ARSG: variants seen among roughly 807,000 people sequenced by gnomAD.
ARSG encodes the protein arylsulfatase G, also known as ASG.
Under a neutral mutation model 50.5 loss-of-function variants are expected in ARSG, and 37 were observed. That is an observed-to-expected ratio of 0.73 (90% CI 0.56 to 0.96). The LOEUF (loss-of-function observed/expected upper bound fraction) is 0.96, where lower values mean the gene tolerates loss of function less well. Ranked by LOEUF, ARSG falls within the 50% of genes least tolerant of loss-of-function variation. The pLI is 0.00. For synonymous variants in ARSG, 225 were observed against 254.6 expected, an observed-to-expected ratio of 0.88 and a Z score of 1.11; for missense variants, 629 against 675.3, an observed-to-expected ratio of 0.93 and a Z score of 0.76.
the ARSG span, among the ~76,000 whole-genome samples, chr17:68,443,513 A>C: frequency 6.6e-6 from 1 of 152,248 alleles, no homozygotes; most frequent in Non-Finnish European, 1.5e-5. Context: ...AAGAGAAGGC[A>C]TCAGAAGTAT....
chr17:68,437,010 A>ATGTGTGTGTGTGTGTGTG, the ARSG span, among the ~76,000 whole-genome samples: 11 of 77,906 alleles, frequency 1.4e-4, no homozygotes, highest in African/African-American at 6.1e-4. Context: ...AAAAAAATAT[A>ATGTGTGTGTGTGTGTGTG]TATATATGTG....
At chr17:68,320,623 C>T (rs1248401850) in intron 2 of ARSG, among the ~76,000 whole-genome samples, 1 of 152,114 alleles carries the variant, frequency 6.6e-6, no homozygotes, top group East Asian at 1.9e-4. Flanking sequence ...GACTGGGCAT[C>T]TGGTACAGTG....
intron 6 of ARSG, among the ~76,000 whole-genome samples, chr17:68,363,751 G>A (rs1481577509): frequency 1.3e-5 from 2 of 152,086 alleles, no homozygotes; most frequent in Non-Finnish European, 2.9e-5. Context: ...ACAGGCGTGA[G>A]CCATCGTGCC....
At chr17:68,299,937 C>CTT (rs34778190) in intron 1 of ARSG, among the ~76,000 whole-genome samples, 3,268 of 137,976 alleles carry the variant, frequency 0.024, 173 homozygotes, top group East Asian at 0.11. Context: ...TTTGGTATTG[C>CTT]TTTTTTTTTT....
intron 2 of ARSG, among the ~76,000 whole-genome samples, chr17:68,318,266 T>C (rs1191818475): frequency 1.3e-5 from 2 of 152,270 alleles, no homozygotes; most frequent in African/African-American, 2.4e-5. Flanking sequence ...AAGATAACTC[T>C]GAGAGCTCGG....
chr17:68,441,061 G>A, the ARSG span: 10 of 152,292 alleles, frequency 6.6e-5, no homozygotes, highest in African/African-American at 1.7e-4. Context: ...GGTATGGAAC[G>A]CTCCCTCAAT....
At chr17:68,388,478 C>G (rs989665985) in intron 9 of ARSG, among the ~76,000 whole-genome samples, 6 of 152,122 alleles carry the variant, frequency 3.9e-5, no homozygotes, top group Admixed American at 2.6e-4. Context: ...AGCGGAAGCT[C>G]TCTTAGCCAT....
chr17:68,342,094 A>G (rs868169642), intron 2 of ARSG, among the ~76,000 whole-genome samples: 1 of 151,990 alleles, frequency 6.6e-6, no homozygotes, highest in Non-Finnish European at 1.5e-5. Context: ...TGCTGGGATT[A>G]AAGGAGTGAA....
intron 1 of ARSG, among the ~76,000 whole-genome samples, chr17:68,263,282 T>C (rs576434251): frequency 3.3e-5 from 5 of 152,318 alleles, no homozygotes; most frequent in Admixed American, 2.0e-4. Context: ...TCCTTACTTA[T>C]GCAACGGCGG....
chr17:68,293,148 T>G (rs1277946625), intron 1 of ARSG, among the ~76,000 whole-genome samples: 2 of 152,224 alleles, frequency 1.3e-5, no homozygotes, highest in Admixed American at 6.5e-5. Context: ...TAATGATATT[T>G]AGAAACTGAT....
At chr17:68,299,502 A>G (rs1351847638) in intron 1 of ARSG, among the ~76,000 whole-genome samples, 7 of 152,132 alleles carry the variant, frequency 4.6e-5, no homozygotes, top group Admixed American at 2.6e-4. Flanking sequence ...AAAAAAATCG[A>G]ACCTGGATCG....
At chr17:68,316,196 T>C (rs1276622970) in intron 2 of ARSG, among the ~76,000 whole-genome samples, 1 of 152,232 alleles carries the variant, frequency 6.6e-6, no homozygotes, top group Non-Finnish European at 1.5e-5. Flanking sequence ...TTCAAGCAGC[T>C]GATCGCTTCT....
intron 9 of ARSG, among the ~76,000 whole-genome samples, 200 bp from the exon 10 acceptor site, chr17:68,394,873 C>A (rs1456252185): frequency 6.6e-6 from 1 of 152,152 alleles, no homozygotes; most frequent in Non-Finnish European, 1.5e-5. Flanking sequence ...GGGTGCTGAA[C>A]CGCTGCACCA....
intron 1 of ARSG, among the ~76,000 whole-genome samples, chr17:68,294,491 G>A (rs1555757435): frequency 1.2e-4 from 19 of 152,142 alleles, no homozygotes; most frequent in Non-Finnish European, 4.4e-5. Flanking sequence ...AAGGAATCTG[G>A]TCTGGACCTC....
At chr17:68,419,251 G>C (rs767226161) in intron 11 of ARSG, among the ~76,000 whole-genome samples, 1 of 152,194 alleles carries the variant, frequency 6.6e-6, no homozygotes, top group Non-Finnish European at 1.5e-5. Context: ...AAGGGCAGAG[G>C]TTAAAGATAC....
At chr17:68,259,837 C>T (rs1337328485) in intron 1 of ARSG, among the ~76,000 whole-genome samples, 1 of 152,134 alleles carries the variant, frequency 6.6e-6, no homozygotes, top group African/African-American at 2.4e-5. Flanking sequence ...TAGACCAGTA[C>T]CCAACTCTAG....
chr17:68,344,918 T>C (rs1027534674), intron 3 of ARSG, among the ~76,000 whole-genome samples: 12 of 152,174 alleles, frequency 7.9e-5, no homozygotes, highest in African/African-American at 2.9e-4. Flanking sequence ...CTATTGGCCC[T>C]TTTATCCCAC....
intron 2 of ARSG, among the ~76,000 whole-genome samples, chr17:68,324,534 C>T (rs1287475043): frequency 1.3e-5 from 2 of 152,172 alleles, no homozygotes; most frequent in Non-Finnish European, 2.9e-5. Flanking sequence ...TTGGAAAGGC[C>T]TGGGTTCAAA....
rs1035768063 is a variant in ARSG, at chr17:68,276,761, C to T, written c.-552+17335C>T. Among the ~76,000 whole-genome samples the T allele has an allele frequency of 7.9e-5, 12 of 151,876 alleles. No homozygotes were observed. In the East Asian group the frequency reaches 2.3e-3, roughly 30 times the overall value. On this transcript the variant is annotated intron_variant, in intron 1 of 11. Coordinates refer to the ARSG transcript ENST00000448504. ...GAGCCACCATGCCCAGCTTGGTTAA[C>T]TTTCTGAGGTGAGTTCAACAGCCCT...
Sources: gnomAD v4.1 joint callset for allele counts (sites outside exome capture counted in the v4.1 genomes callset) on GRCh38, gnomAD v4.1.1 for gene constraint, MANE v1.5 for transcripts, NCBI Gene and HGNC (gene_info 2026-07-23, HGNC 2026-07-21) for gene names.